The following PDE3A variants were observed in gnomAD, a reference collection of about 807,000 sequenced individuals.
PDE3A encodes the protein phosphodiesterase 3A.
A neutral mutation model predicts 98.3 loss-of-function variants in PDE3A; 43 were observed. That is an observed-to-expected ratio of 0.44 (90% CI 0.34 to 0.56). The LOEUF is 0.56. Ranked by LOEUF, PDE3A falls within the 20% of genes least tolerant of loss-of-function variation. The pLI, the probability that PDE3A is intolerant of heterozygous loss-of-function variation, is 0.01. For synonymous variants in PDE3A, 663 were observed against 567.9 expected (o/e 1.17, Z -2.38); for missense variants, 1,427 against 1,440.7 (o/e 0.99, Z 0.15).
chr12:20,394,771 A>G (rs1265147508), intron 1 of PDE3A, among the ~76,000 whole-genome samples: 7 of 152,026 alleles, frequency 4.6e-5, no homozygotes, highest in African/African-American at 9.7e-5. Flanking sequence ...TTGATTGTCA[A>G]CTGGGCCAAA....
chr12:20,460,570 A>C (rs572649203), intron 1 of PDE3A, among the ~76,000 whole-genome samples: 1 of 152,344 alleles, frequency 6.6e-6, no homozygotes, highest in South Asian at 2.1e-4. Context: ...GAATAATATG[A>C]AAGTTTTATA....
chr12:20,672,570 A>G (rs1253543666), intron 15 of PDE3A, among the ~76,000 whole-genome samples: 1 of 149,878 alleles, frequency 6.7e-6, no homozygotes. Flanking sequence ...CTGATCTTTG[A>G]CAAACCTGAG....
At position 20,369,516 on chromosome 12, in the gene PDE3A, G is replaced by C. The variant is rs868616595; in HGVS notation, c.232G>C (p.Val78Leu). Residue 78 changes from valine (V) to leucine (L), a missense_variant, in exon 1 of 16, where the codon GTG (valine) becomes CTG (leucine). By Grantham distance (32) the Val-to-Leu change is conservative. Coordinates refer to ENST00000359062, the MANE Select transcript of PDE3A (RefSeq NM_000921.5). ...CCTGTCCTTTCTGCTGGCGCTGCTG[G>C]TGAGGCTGGTCCGCGGGGAGGTCGG... The part of the protein sequence containing the change: ...GSLSFLLALL[V>L]RLVRGEVGCD... 9.6e-6 allele frequency: 15 copies of C among 1,560,836 alleles called. No homozygotes were observed. The highest frequency in any genetic ancestry group is 1.2e-5 in the Non-Finnish European group (14 of 1,152,520).
chr12:20,521,276 A>G (rs1223282853), intron 1 of PDE3A, among the ~76,000 whole-genome samples: 3 of 152,126 alleles, frequency 2.0e-5, no homozygotes, highest in Non-Finnish European at 4.4e-5. Flanking sequence ...GAACTTCTAC[A>G]CAATCTAGCT....
rs770467350 is a variant in PDE3A at position 20,650,495 on chromosome 12, G to A, written c.2820G>A (p.Leu940=). Residue 940 remains leucine (L), a synonymous_variant, in exon 14 of 16, where the codon CTG becomes CTA. Coordinates refer to ENST00000359062, the MANE Select transcript of PDE3A (RefSeq NM_000921.5). The part of the protein sequence containing the change: ...IDWTNENDRL[L]VCQMCIKLAD... ...GGACCAATGAAAATGATCGTCTACT[G>A]GTTTGTCAAATGTGTATAAAGTTGG... 1 of 1,610,536 alleles carries A rather than the reference G, an allele frequency of 6.2e-7. No individual in the cohort carries two copies. Among genetic ancestry groups the A allele is most frequent in the Non-Finnish European group, 8.5e-7 (1 of 1,177,204 alleles).
intron 1 of PDE3A, among the ~76,000 whole-genome samples, chr12:20,392,712 G>T (rs1282163321): frequency 2.6e-5 from 4 of 151,976 alleles, no homozygotes; most frequent in Non-Finnish European, 5.9e-5. Flanking sequence ...CAATAGCTAA[G>T]ATACAGAATT....
At chr12:20,407,783 A>G (rs1042949275) in intron 1 of PDE3A, among the ~76,000 whole-genome samples, 3 of 152,200 alleles carry the variant, frequency 2.0e-5, no homozygotes, top group African/African-American at 7.2e-5. Flanking sequence ...TAGTATAGAT[A>G]TAGCATATTA....
chr12:20,393,067 A>C (rs1943947936), intron 1 of PDE3A, among the ~76,000 whole-genome samples: 2 of 152,052 alleles, frequency 1.3e-5, no homozygotes, highest in African/African-American at 4.8e-5. Context: ...ATAGCACAGC[A>C]GAGAAATTAT....
At chr12:20,429,902 T>C (rs570136114) in intron 1 of PDE3A, among the ~76,000 whole-genome samples, 5 of 152,226 alleles carry the variant, frequency 3.3e-5, no homozygotes. Flanking sequence ...AGCACCCAAA[T>C]GCCAACATCT....
intron 1 of PDE3A, among the ~76,000 whole-genome samples, chr12:20,543,330 T>C (rs1255212056): frequency 6.6e-6 from 1 of 151,920 alleles, no homozygotes; most frequent in African/African-American, 2.4e-5. Context: ...TAACAAATAA[T>C]AATACACCTG....
At chr12:20,614,858 G>GTCTT (rs1943960730) in intron 3 of PDE3A, among the ~76,000 whole-genome samples, 1 of 152,098 alleles carries the variant, frequency 6.6e-6, no homozygotes, top group Non-Finnish European at 1.5e-5. Flanking sequence ...AGAGCAGAAT[G>GTCTT]TCTTTGTGAA....
chr12:20,556,822 C>T (rs1374464123), intron 2 of PDE3A, 112 bp downstream of exon 2: 1 of 788,306 alleles, frequency 1.3e-6, no homozygotes, highest in Non-Finnish European at 2.2e-6. Context: ...GGCAAAATAA[C>T]CATGCCATTT....
Position 20,556,729 on chromosome 12 carries a change from T to C in PDE3A, c.1011+19T>C, listed in dbSNP as rs768846167. ...ATCACAGGTAAGTTTCTTTTCCTTT[T>C]CTTTTTCACGTTTCGTTTCGTAACA... On this transcript the variant is annotated intron_variant, in intron 2 of 15. Coordinates refer to ENST00000359062, the MANE Select transcript of PDE3A (RefSeq NM_000921.5). 4.4e-6 allele frequency: 7 copies of C among 1,592,732 alleles called. No individual in the cohort carries two copies. The highest frequency in any genetic ancestry group is 6.0e-6 in the Non-Finnish European group (7 of 1,160,966).
At chr12:20,578,311 A>C (rs143143533) in intron 2 of PDE3A, among the ~76,000 whole-genome samples, 1 of 152,138 alleles carries the variant, frequency 6.6e-6, no homozygotes, top group South Asian at 2.1e-4. Flanking sequence ...TTGTTGCTCC[A>C]TACTTTGGCT....
rs548739606 is a variant in PDE3A at position 20,674,222 on chromosome 12, G to A, written c.3185-5808G>A. Among the ~76,000 whole-genome samples the A allele has an allele frequency of 3.3e-5, 5 of 152,148 alleles. No homozygotes were observed. In the East Asian group the frequency reaches 9.7e-4, roughly 29 times the overall value. On this transcript the variant is annotated intron_variant, in intron 15 of 15. Coordinates refer to ENST00000359062, the MANE Select transcript of PDE3A (RefSeq NM_000921.5). ...TCAGATCTAAGAGTTTTTTGATGGA[G>A]TCTATGTTTTTCTAGATATAGGATT...
chr12:20,472,306 G>T (rs913835122), intron 1 of PDE3A, among the ~76,000 whole-genome samples: 1 of 151,990 alleles, frequency 6.6e-6, no homozygotes, highest in Non-Finnish European at 1.5e-5. Context: ...TTTCTTTCAG[G>T]GTGTTTTCTG....
intron 1 of PDE3A, among the ~76,000 whole-genome samples, chr12:20,520,216 A>G (rs989541041): frequency 6.6e-6 from 1 of 152,206 alleles, no homozygotes; most frequent in African/African-American, 2.4e-5. Context: ...GCATGTGATA[A>G]TAAAAAACCA....
chr12:20,617,784 T>G (rs907226956), intron 4 of PDE3A, among the ~76,000 whole-genome samples: 6 of 152,116 alleles, frequency 3.9e-5, no homozygotes, highest in African/African-American at 1.4e-4. Context: ...CCTTTTATTC[T>G]GTTATTCTTT....
chr12:20,606,850 TCA>T (rs1943721714), intron 2 of PDE3A, among the ~76,000 whole-genome samples: 2 of 95,618 alleles, frequency 2.1e-5, no homozygotes, highest in Non-Finnish European at 2.1e-5. Flanking sequence ...AAGCTCCATC[TCA>T]AAAAAAAAAA....
Sources: allele counts gnomAD v4.1 joint callset (sites outside exome capture counted in the v4.1 genomes callset), GRCh38; gene constraint gnomAD v4.1.1; transcripts MANE v1.5; gene names NCBI Gene and HGNC (gene_info 2026-07-23, HGNC 2026-07-21).